MROH2B: variants seen among roughly 807,000 people sequenced by gnomAD.
MROH2B encodes maestro heat like repeat family member 2B, also known as maestro heat-like repeat-containing protein family member 2B.
A neutral mutation model predicts 208.6 loss-of-function variants in MROH2B; 177 were observed. That is an observed-to-expected ratio of 0.85 (90% CI 0.75 to 0.96). MROH2B has a LOEUF of 0.96. Ranked by LOEUF, MROH2B falls within the 40% of genes least tolerant of loss-of-function variation. The pLI is 0.00. For missense variants in MROH2B, 2,002 were observed against 1,878.7 expected, an observed-to-expected ratio of 1.07 and a Z score of -1.21; for synonymous variants, 728 against 659.0, an observed-to-expected ratio of 1.10 and a Z score of -1.60.
At chr5:41,036,657 G>A (rs1279545830) in intron 21 of MROH2B, among the ~76,000 whole-genome samples, 2 of 151,976 alleles carry the variant, frequency 1.3e-5, no homozygotes, top group Non-Finnish European at 2.9e-5. Context: ...CATAATCATG[G>A]GAACAAGACA....
chr5:41,028,133 C>T (rs886919971), intron 24 of MROH2B, among the ~76,000 whole-genome samples: 15 of 152,224 alleles, frequency 9.9e-5, no homozygotes, highest in African/African-American at 1.9e-4. Context: ...GATATGTATA[C>T]GTATGTAACA....
In MROH2B at chr5:41,070,885, C is replaced by T; in HGVS notation, c.-33G>A. On this transcript the variant is annotated 5_prime_UTR_variant, in exon 1 of 42. Coordinates refer to ENST00000399564, the MANE Select transcript of MROH2B (RefSeq NM_173489.5). ...CTGTTTCAGGGTCTCTAAAAGATAG[C>T]ACCTAAGTATTAGAAATAGTAAGGC... is the stretch of plus-strand genomic sequence containing the variant. 6.2e-7 allele frequency: 1 copy of T among 1,605,530 alleles called. No homozygotes were observed. The highest frequency in any genetic ancestry group is 8.5e-7 in the Non-Finnish European group (1 of 1,175,220).
intron 9 of MROH2B, among the ~76,000 whole-genome samples, chr5:41,056,068 A>G (rs1197460261): frequency 1.3e-5 from 2 of 152,210 alleles, no homozygotes; most frequent in Non-Finnish European, 2.9e-5. Flanking sequence ...ACTTCTGTTC[A>G]TATCTGTGAA....
chr5:41,033,150 A>G lies in MROH2B; in HGVS notation c.2252T>C (p.Leu751Pro). 1 of 1,612,766 alleles carries G rather than the reference A, an allele frequency of 6.2e-7. No homozygotes were observed. The highest frequency in any genetic ancestry group is 8.5e-7 in the Non-Finnish European group (1 of 1,179,096). ...GATGCTTCTTGTGAAACTCATTTGC[A>G]GATCCATGTCCTAAAGCAAAAGCAT... is the stretch of plus-strand genomic sequence containing the variant. ...GMSVMNKDMD[L>P]QMSFTRSITE... Residue 751 changes from leucine to proline, a missense_variant, in exon 23 of 42, where the codon CTG becomes CCG. By Grantham distance (98) the Leu-to-Pro change is moderately conservative. Transcript: ENST00000399564.
chr5:41,036,127 T>TACAC (rs200762121), intron 21 of MROH2B, among the ~76,000 whole-genome samples: 77 of 124,220 alleles, frequency 6.2e-4, no homozygotes, highest in Non-Finnish European at 1.1e-3. Flanking sequence ...ATATATTATA[T>TACAC]ATACACACAC....
chr5:41,039,970 C>T (rs1255794502), intron 19 of MROH2B, among the ~76,000 whole-genome samples: 2 of 152,008 alleles, frequency 1.3e-5, no homozygotes, highest in Non-Finnish European at 2.9e-5. Flanking sequence ...AGGAGAGTTT[C>T]AATCAGAGAG....
At position 41,065,344 on chromosome 5, in the gene MROH2B, C is replaced by A; in HGVS notation, c.348G>T (p.Leu116Phe). Residue 116 changes from leucine (L) to phenylalanine (F), a missense_variant, in exon 4 of 42, where the codon TTG (leucine) becomes TTT (phenylalanine). Leu to Phe is a conservative substitution (Grantham distance 22, BLOSUM62 0). Transcript: ENST00000399564. Reference protein sequence around the residue: ...DEFVVLALAELATSYVSQSIP... With the variant: ...DEFVVLALAEFATSYVSQSIP... Reference sequence around the variant, plus strand: ...TTCCCGCTATACCATAGCTGGTTGCCAATTCAGCCAGGGCAAGCACAACGA... The same window carrying A: ...TTCCCGCTATACCATAGCTGGTTGCAAATTCAGCCAGGGCAAGCACAACGA... 1 of 1,611,984 alleles carries A rather than the reference C, an allele frequency of 6.2e-7. No homozygotes were observed. The highest frequency in any genetic ancestry group is 1.1e-5 in the South Asian group (1 of 90,614).
chr5:41,059,489 A>G (rs1743570848), intron 6 of MROH2B, among the ~76,000 whole-genome samples: 1 of 152,096 alleles, frequency 6.6e-6, no homozygotes, highest in Non-Finnish European at 1.5e-5. Context: ...ATGTTTGATA[A>G]ATTTTTTGTA....
chr5:41,059,459 T>C (rs1004097143), intron 6 of MROH2B, among the ~76,000 whole-genome samples: 2 of 152,266 alleles, frequency 1.3e-5, no homozygotes, highest in African/African-American at 4.8e-5. Context: ...TAGAGTTCTA[T>C]ATTCTGCCTT....
Position 41,007,458 on chromosome 5 carries a change from A to G in MROH2B, c.3609-4T>C, listed in dbSNP as rs554005574. On this transcript the variant is annotated splice_polypyrimidine_tract_variant and splice_region_variant and intron_variant, in intron 33 of 41. Coordinates refer to ENST00000399564, the MANE Select transcript of MROH2B (RefSeq NM_173489.5). ...TTTTAAAGTAGCAGTTGAAAGCCTA[A>G]AGGAGACAGTCAGCATTACAAAACT... is the stretch of plus-strand genomic sequence containing the variant. 82 of 1,561,044 alleles carry G rather than the reference A, an allele frequency of 5.3e-5. No individual in the cohort carries two copies. Among genetic ancestry groups the G allele is most frequent in the Non-Finnish European group, 7.0e-5 (81 of 1,156,128 alleles).
chr5:41,063,027 A>C (rs1262259013), intron 5 of MROH2B, among the ~76,000 whole-genome samples: 1 of 152,166 alleles, frequency 6.6e-6, no homozygotes, highest in Admixed American at 6.5e-5. Context: ...GGCTGGATGG[A>C]TAGATAGCTA....
At chr5:41,003,631 A>T (rs1741477587) in intron 37 of MROH2B, among the ~76,000 whole-genome samples, 1 of 152,190 alleles carries the variant, frequency 6.6e-6, no homozygotes, top group Non-Finnish European at 1.5e-5. Flanking sequence ...AGAAATGAAG[A>T]CTTCTCAAGT....
At chr5:41,033,713 A>T (rs932867744) in intron 22 of MROH2B, 125 bp downstream of exon 22, 10 of 754,818 alleles carry the variant, frequency 1.3e-5, no homozygotes, top group Non-Finnish European at 1.9e-5. Context: ...GGATTGTTAC[A>T]TGTTGGAAAC....
At chr5:41,022,149 A>G (rs1742172295) in intron 24 of MROH2B, among the ~76,000 whole-genome samples, 1 of 152,172 alleles carries the variant, frequency 6.6e-6, no homozygotes, top group Admixed American at 6.5e-5. Flanking sequence ...TGATTTCTGC[A>G]TTTCCCACTG....
intron 20 of MROH2B, 27 bp downstream of exon 20, chr5:41,039,421 G>T: frequency 7.2e-7 from 1 of 1,394,008 alleles, no homozygotes; most frequent in Non-Finnish European, 1.0e-6. Context: ...GCAATACTGA[G>T]AATTTGAAGG....
In MROH2B at chr5:41,049,299, A is replaced by G; in HGVS notation, c.1482T>C (p.Leu494=). The G allele has an allele frequency of 6.2e-7, 1 of 1,613,508 alleles. No homozygotes were observed. Among genetic ancestry groups the G allele is most frequent in the Non-Finnish European group, 8.5e-7 (1 of 1,179,688 alleles). ...ACAGACCAGCTCCTGTAGAGACGAC[A>G]AGTGCTGTCGACTCCTTGGCACTGT... The part of the protein sequence containing the change: ...KQHSAKESTA[L]VVSTGAVKLP... Residue 494 remains leucine (L), a synonymous_variant, in exon 14 of 42, where the codon CTT becomes CTC. Transcript: ENST00000399564.
In MROH2B at chr5:41,050,972, C is replaced by T. The variant is rs1451091735; in HGVS notation, c.1344+5G>A. The T allele has an allele frequency of 3.2e-6, 5 of 1,561,900 alleles. No individual in the cohort carries two copies. The African/African-American group carries it at 7.0e-5, about 22-fold the overall frequency. On this transcript the variant is annotated splice_donor_5th_base_variant and intron_variant, in intron 13 of 41. Transcript: ENST00000399564. ...AACTGTAAGTGGTGACAAAAGACCACTTACCTGAGGCATTCCAATGACCAG... is the reference window on the plus strand; with the variant it reads ...AACTGTAAGTGGTGACAAAAGACCATTTACCTGAGGCATTCCAATGACCAG...
chr5:41,034,167 C>A (rs1310658426), intron 21 of MROH2B: 1 of 690,560 alleles, frequency 1.4e-6, no homozygotes, highest in Non-Finnish European at 1.8e-6. Flanking sequence ...GCTCAACAGA[C>A]TTTGGTAAGG....
rs774138527 is a variant in MROH2B at position 41,018,412 on chromosome 5, C to T, written c.2692G>A (p.Val898Ile). 6.2e-7 allele frequency: 1 copy of T among 1,609,544 alleles called. No homozygotes were observed. The highest frequency in any genetic ancestry group is 1.3e-5 in the African/African-American group (1 of 74,846). Residue 898 changes from valine (V) to isoleucine (I), a missense_variant, in exon 27 of 42, where the codon GTT becomes ATT. By Grantham distance (29) the Val-to-Ile change is conservative. Transcript: ENST00000399564. Reference protein sequence around the residue: ...EMFNLLQMWLVSQKEWERERA... With the variant: ...EMFNLLQMWLISQKEWERERA... Reference sequence around the variant, plus strand: ...TCTCTTTCCCACTCTTTTTGTGAAACAAGCCACATTTGGAGAAGCTGTTGG... The same window carrying T: ...TCTCTTTCCCACTCTTTTTGTGAAATAAGCCACATTTGGAGAAGCTGTTGG...
Sources: allele counts gnomAD v4.1 joint callset (sites outside exome capture counted in the v4.1 genomes callset), GRCh38; gene constraint gnomAD v4.1.1; transcripts MANE v1.5; gene names NCBI Gene and HGNC (gene_info 2026-07-23, HGNC 2026-07-21).